The following SLC35D2 variants were observed in gnomAD, a reference collection of about 807,000 sequenced individuals.
The protein encoded by SLC35D2 is solute carrier family 35 member D2.
A neutral mutation model predicts 41.8 loss-of-function variants in SLC35D2; 43 were observed. The ratio of observed to expected loss-of-function variants is 1.03; its 90% CI spans 0.81 to 1.33. SLC35D2 has a LOEUF of 1.33. SLC35D2 is among the 40% of genes most tolerant of loss of function. SLC35D2 has a pLI of 0.00. For missense variants in SLC35D2, 380 were observed against 408.4 expected (o/e 0.93, Z 0.60); for synonymous variants, 150 against 163.9 (o/e 0.92, Z 0.65).
intron 3 of SLC35D2, 128 bp from the exon 4 acceptor site, chr9:96,360,349 G>C: frequency 1.3e-6 from 1 of 772,418 alleles, no homozygotes; most frequent in Non-Finnish European, 2.1e-6. Context: ...AAATGATTTT[G>C]GCGGGGCGCA....
chr9:96,354,576 G>A (rs1587693180), intron 4 of SLC35D2, among the ~76,000 whole-genome samples: 2 of 152,118 alleles, frequency 1.3e-5, no homozygotes, highest in East Asian at 1.9e-4. Flanking sequence ...AGACCAGCCT[G>A]GCCAACATGG....
intron 4 of SLC35D2, among the ~76,000 whole-genome samples, chr9:96,356,419 C>A (rs1215196526): frequency 7.4e-5 from 10 of 135,740 alleles, no homozygotes; most frequent in African/African-American, 2.8e-4. Context: ...AATTGACAAG[C>A]TAATTTTAAA....
chr9:96,365,190 C>T (rs1830428514), intron 2 of SLC35D2, among the ~76,000 whole-genome samples: 1 of 151,594 alleles, frequency 6.6e-6, no homozygotes, highest in Non-Finnish European at 1.5e-5. Flanking sequence ...CCCATCTCTA[C>T]AAAAAAATAC....
chr9:96,328,215 G>C (rs559355382), intron 9 of SLC35D2, among the ~76,000 whole-genome samples: 1 of 149,000 alleles, frequency 6.7e-6, no homozygotes, highest in African/African-American at 2.5e-5. Flanking sequence ...TAAAAGTATT[G>C]CTGAATTCTT....
intron 8 of SLC35D2, among the ~76,000 whole-genome samples, chr9:96,338,643 C>T (rs1475250083): frequency 6.6e-6 from 1 of 152,030 alleles, no homozygotes; most frequent in African/African-American, 2.4e-5. Flanking sequence ...CATGTCACTC[C>T]GTCTCCTTCT....
rs1828197753 is a variant in SLC35D2, at chr9:96,321,095, G to A, written c.*147C>T. The A allele has an allele frequency of 3.3e-6, 2 of 610,742 alleles. No individual in the cohort carries two copies. Among genetic ancestry groups the A allele is most frequent in the African/African-American group, 1.9e-5 (1 of 53,562 alleles). 37.8% of individuals were successfully genotyped at this position (610,742 alleles called of 1,614,324 possible). ...ACTGCCATTGGCTCATCCTGCATAT[G>A]AGGTAGTTCTCTTTGCATTTTGCAG... On this transcript the variant is annotated 3_prime_UTR_variant, in exon 12 of 12. Transcript: ENST00000253270.
At chr9:96,334,171 T>C (rs1828945370) in intron 9 of SLC35D2, among the ~76,000 whole-genome samples, 1 of 151,988 alleles carries the variant, frequency 6.6e-6, no homozygotes, top group Non-Finnish European at 1.5e-5. Flanking sequence ...GGGAGGAAGT[T>C]TGGCTTGGGG....
rs1680989935 is a variant in SLC35D2 at position 96,336,760 on chromosome 9, T to C, written c.709A>G (p.Asn237Asp). ...QQATEFNQWK[N>D]VVFILQFLLS... ...AGAAACTGTAGGATAAACACAACATTCTTCCATTGGTTGAATTCAGTAGCC... is the reference window on the plus strand; with the variant it reads ...AGAAACTGTAGGATAAACACAACATCCTTCCATTGGTTGAATTCAGTAGCC... The change falls in exon 9 of 12, where the codon AAT becomes GAT. Residue 237 changes from asparagine (N) to aspartate (D), a missense_variant. Coordinates refer to ENST00000253270, the MANE Select transcript of SLC35D2 (RefSeq NM_007001.3). The C allele has an allele frequency of 6.3e-7, 1 of 1,584,476 alleles. No individual in the cohort carries two copies. Among genetic ancestry groups the C allele is most frequent in the African/African-American group, 1.3e-5 (1 of 74,340 alleles).
At chr9:96,328,735 G>A (rs1043777295) in intron 9 of SLC35D2, among the ~76,000 whole-genome samples, 2 of 152,028 alleles carry the variant, frequency 1.3e-5, no homozygotes, top group African/African-American at 4.8e-5. Flanking sequence ...CTCAACAAAC[G>A]TTCAAATATT....
chr9:96,326,643 A>G (rs1048789237), intron 9 of SLC35D2, among the ~76,000 whole-genome samples: 8 of 152,014 alleles, frequency 5.3e-5, no homozygotes, highest in Admixed American at 2.6e-4. Context: ...CTCTAATAAA[A>G]ATACAAAAAA....
At chr9:96,344,542 GAAAAAAAAAAAAAACAGAGCAGATA>G (rs1214585115) in intron 7 of SLC35D2, among the ~76,000 whole-genome samples, 6 of 37,722 alleles carry the variant, frequency 1.6e-4, no homozygotes, top group Non-Finnish European at 3.1e-4. Flanking sequence ...CCATGCAGGG[GAAAAAAAAAAAAAACAGAGCAGATA>G]AAAAAAAAAA....
chr9:96,331,336 C>A (rs1452702455), intron 9 of SLC35D2, among the ~76,000 whole-genome samples: 2 of 152,178 alleles, frequency 1.3e-5, no homozygotes, highest in African/African-American at 4.8e-5. Flanking sequence ...ATGTAAAATG[C>A]AGATTTGCTG....
chr9:96,359,411 C>T (rs1240384871), intron 4 of SLC35D2, among the ~76,000 whole-genome samples: 1 of 151,944 alleles, frequency 6.6e-6, no homozygotes, highest in Non-Finnish European at 1.5e-5. Flanking sequence ...TGAAATGGGC[C>T]GGGCACAGTG....
At chr9:96,348,711 G>C (rs1469890016) in intron 6 of SLC35D2, among the ~76,000 whole-genome samples, 1 of 152,196 alleles carries the variant, frequency 6.6e-6, no homozygotes, top group African/African-American at 2.4e-5. Context: ...GCCAGAGGAA[G>C]AGCCAGGCTG....
At chr9:96,334,586 C>T (rs1176632499) in intron 9 of SLC35D2, among the ~76,000 whole-genome samples, 1 of 151,984 alleles carries the variant, frequency 6.6e-6, no homozygotes, top group Non-Finnish European at 1.5e-5. Context: ...TGCAGTGAGC[C>T]AAGATCGTGC....
chr9:96,356,294 G>T (rs1222987700), intron 4 of SLC35D2, among the ~76,000 whole-genome samples: 2 of 151,414 alleles, frequency 1.3e-5, no homozygotes, highest in African/African-American at 2.4e-5. Flanking sequence ...AAATTACCCA[G>T]CCTCAGGTAG....
At chr9:96,379,999 G>A (rs1319711986) in intron 1 of SLC35D2, among the ~76,000 whole-genome samples, 1 of 150,780 alleles carries the variant, frequency 6.6e-6, no homozygotes, top group Non-Finnish European at 1.5e-5. Context: ...CCAGGTTCAA[G>A]TGATTCTCTG....
intron 10 of SLC35D2, among the ~76,000 whole-genome samples, 166 bp downstream of exon 10, chr9:96,323,925 C>CA (rs146238386): frequency 0.12 from 16,797 of 141,732 alleles, 1,345 homozygotes; most frequent in East Asian, 0.28. Flanking sequence ...GACTCTGTCT[C>CA]AAAAAAAAAA....
intron 1 of SLC35D2, among the ~76,000 whole-genome samples, chr9:96,373,493 C>A (rs1476031473): frequency 1.3e-5 from 2 of 152,032 alleles, no homozygotes; most frequent in East Asian, 3.9e-4. Context: ...TCGAGACCAG[C>A]CTGGCCAACA....
Sources: gnomAD v4.1 joint callset for allele counts (sites outside exome capture counted in the v4.1 genomes callset) on GRCh38, gnomAD v4.1.1 for gene constraint, MANE v1.5 for transcripts, NCBI Gene and HGNC (gene_info 2026-07-23, HGNC 2026-07-21) for gene names.